Variants in SLC25A26 observed in about 807,000 individuals in gnomAD.
SLC25A26 encodes solute carrier family 25 member 26.
Under a neutral mutation model 37.8 loss-of-function variants are expected in SLC25A26, and 36 were observed. That is an observed-to-expected ratio of 0.95 (90% CI 0.73 to 1.26). SLC25A26 has a LOEUF of 1.26. Ranked by LOEUF, SLC25A26 falls within the 50% of genes most tolerant of loss-of-function variation. The pLI is 0.00. For synonymous variants in SLC25A26, 129 were observed against 122.5 expected, an observed-to-expected ratio of 1.05 and a Z score of -0.35; for missense variants, 390 against 331.1, an observed-to-expected ratio of 1.18 and a Z score of -1.38.
chr3:66,206,920 C>A (rs1202548889), intron 1 of SLC25A26, among the ~76,000 whole-genome samples: 3 of 138,458 alleles, frequency 2.2e-5, no homozygotes, highest in Non-Finnish European at 4.6e-5. Context: ...TTTTTTAACA[C>A]GGAGTTTTGC....
chr3:66,141,741 C>T (rs1244184404), intron 1 of SLC25A26, among the ~76,000 whole-genome samples: 3 of 152,054 alleles, frequency 2.0e-5, no homozygotes, highest in African/African-American at 7.2e-5. Flanking sequence ...TTCGAACTCC[C>T]GACCTCAACT....
chr3:66,288,785 A>T (rs558195633), intron 5 of SLC25A26, among the ~76,000 whole-genome samples: 3 of 152,306 alleles, frequency 2.0e-5, no homozygotes, highest in African/African-American at 7.2e-5. Context: ...CGCAATAAAC[A>T]TACTTGTGCA....
chr3:66,152,155 C>T (rs771233385), intron 1 of SLC25A26, among the ~76,000 whole-genome samples: 4 of 152,100 alleles, frequency 2.6e-5, no homozygotes, highest in Admixed American at 6.6e-5. Context: ...TACCAGTCCT[C>T]GAAAATCTTG....
chr3:66,253,252 C>A (rs2073163370), intron 3 of SLC25A26, among the ~76,000 whole-genome samples: 1 of 150,248 alleles, frequency 6.7e-6, no homozygotes, highest in Admixed American at 6.6e-5. Context: ...AAAAAAAAAG[C>A]AAAAAAAAGT....
intron 5 of SLC25A26, among the ~76,000 whole-genome samples, chr3:66,273,319 G>A (rs1298194984): frequency 6.6e-6 from 1 of 152,092 alleles, no homozygotes; most frequent in African/African-American, 2.4e-5. Context: ...AAATGAGTTA[G>A]GGAGGATTCC....
At chr3:66,324,746 C>T (rs369615507) in intron 5 of SLC25A26, among the ~76,000 whole-genome samples, 46 of 150,998 alleles carry the variant, frequency 3.0e-4, no homozygotes, top group African/African-American at 9.0e-4. Context: ...TTCTCACTGT[C>T]GTGATTTTTG....
At chr3:66,276,999 AG>A (rs2074173985) in intron 5 of SLC25A26, among the ~76,000 whole-genome samples, 1 of 151,534 alleles carries the variant, frequency 6.6e-6, no homozygotes, top group South Asian at 2.1e-4. Context: ...TGTAAATTTA[AG>A]CATAATAGTG....
Position 66,165,771 on chromosome 3 carries a change from C to T in SLC25A26, c.-354+31787C>T, listed in dbSNP as rs1369486896. On this transcript the variant is annotated intron_variant, in intron 1 of 10. Transcript: ENST00000676754. ...AGTAGTATATAATTTGCCTTTTCCC[C>T]CCATCAATCTTGAAAAACAAAATAC... Among the ~76,000 whole-genome samples the T allele has an allele frequency of 1.3e-5, 2 of 152,058 alleles. 1 individual carries two copies.
intron 6 of SLC25A26, among the ~76,000 whole-genome samples, chr3:66,353,635 T>G (rs2076510290): frequency 6.6e-6 from 1 of 152,220 alleles, no homozygotes; most frequent in Non-Finnish European, 1.5e-5. Context: ...TTGCATTGAT[T>G]CCTTAATGAT....
At chr3:66,371,839 G>A (rs1390137868) in intron 9 of SLC25A26, among the ~76,000 whole-genome samples, 2 of 152,170 alleles carry the variant, frequency 1.3e-5, no homozygotes, top group Non-Finnish European at 2.9e-5. Flanking sequence ...GCTCACACCT[G>A]TAATCCCAGC....
intron 1 of SLC25A26, among the ~76,000 whole-genome samples, chr3:66,157,535 A>T (rs1398349248): frequency 6.6e-6 from 1 of 152,262 alleles, no homozygotes; most frequent in Non-Finnish European, 1.5e-5. Context: ...AAGAAATCAC[A>T]CATAAAGCTT....
chr3:66,376,699 C>G (rs1183378252), intron 9 of SLC25A26, among the ~76,000 whole-genome samples: 36 of 152,120 alleles, frequency 2.4e-4, no homozygotes, highest in Non-Finnish European at 2.9e-5. Context: ...ATTATGGTGG[C>G]CAAACTTGGC....
At chr3:66,206,287 T>C (rs1318606715) in intron 1 of SLC25A26, among the ~76,000 whole-genome samples, 4 of 152,194 alleles carry the variant, frequency 2.6e-5, no homozygotes, top group Non-Finnish European at 4.4e-5. Flanking sequence ...TAAAAAATCC[T>C]ACTTTCTCTA....
chr3:66,305,991 T>C (rs568718261), intron 5 of SLC25A26, among the ~76,000 whole-genome samples: 1 of 152,282 alleles, frequency 6.6e-6, no homozygotes, highest in Admixed American at 6.5e-5. Context: ...TTCTTTTTCT[T>C]TTCTTTTTTT....
chr3:66,308,034 G>A (rs2075275770), intron 5 of SLC25A26, among the ~76,000 whole-genome samples: 1 of 152,152 alleles, frequency 6.6e-6, no homozygotes, highest in Non-Finnish European at 1.5e-5. Flanking sequence ...CTAATTCTGT[G>A]AAGAAAGTCA....
At chr3:66,225,827 T>A (rs1175766684) in intron 1 of SLC25A26, among the ~76,000 whole-genome samples, 1 of 152,188 alleles carries the variant, frequency 6.6e-6, no homozygotes, top group Non-Finnish European at 1.5e-5. Flanking sequence ...GCTGCCAGTC[T>A]CTTTGCATAG....
chr3:66,369,968 A>T (rs1700257702), intron 8 of SLC25A26, among the ~76,000 whole-genome samples: 1 of 152,206 alleles, frequency 6.6e-6, no homozygotes, highest in Non-Finnish European at 1.5e-5. Context: ...AAATTGTTTT[A>T]AAAAACCCTG....
chr3:66,306,128 G>T (rs2075213988), intron 5 of SLC25A26, among the ~76,000 whole-genome samples: 1 of 152,116 alleles, frequency 6.6e-6, no homozygotes, highest in Admixed American at 6.5e-5. Context: ...GGGACTACAG[G>T]TGTGCACCAC....
At chr3:66,248,808 G>A (rs895043280) in intron 3 of SLC25A26, among the ~76,000 whole-genome samples, 4 of 152,166 alleles carry the variant, frequency 2.6e-5, no homozygotes, top group African/African-American at 9.7e-5. Flanking sequence ...TCCCCAAGAA[G>A]GCCCGATGAG....
Sources: gnomAD v4.1 joint callset for allele counts (sites outside exome capture counted in the v4.1 genomes callset) on GRCh38, gnomAD v4.1.1 for gene constraint, MANE v1.5 for transcripts, NCBI Gene and HGNC (gene_info 2026-07-23, HGNC 2026-07-21) for gene names.